The following SPOUT1 variants were observed in gnomAD, a reference collection of about 807,000 sequenced individuals.
SPOUT1 encodes SPOUT domain containing methyltransferase 1.
SPOUT1 carries 40 observed loss-of-function variants against 54.8 expected under a neutral mutation model. The observed-to-expected ratio is 0.73, with a 90% confidence interval of 0.57 to 0.95. The LOEUF (loss-of-function observed/expected upper bound fraction) is 0.95. SPOUT1 is among the 40% of genes least tolerant of loss of function. The pLI, the probability that SPOUT1 is intolerant of heterozygous loss-of-function variation, is 0.00. For synonymous variants in SPOUT1, 193 were observed against 200.3 expected, an observed-to-expected ratio of 0.96 and a Z score of 0.31; for missense variants, 437 against 499.5, an observed-to-expected ratio of 0.87 and a Z score of 1.19.
chr9:128,829,347 C>T (rs569453441), intron 1 of SPOUT1, among the ~76,000 whole-genome samples, 192 bp from the exon 2 acceptor site: 80 of 152,300 alleles, frequency 5.3e-4, no homozygotes, highest in African/African-American at 1.9e-3. Flanking sequence ...GGGACCCAGC[C>T]TGGCACACAG....
rs545231749 is a variant in SPOUT1, at chr9:128,823,240, C to T, written c.1063-407G>A. The stretch of plus-strand genomic sequence containing the variant: ...GGATGGGTAGACAGGGCTGTCGGCC[C>T]GGCGAGACTGATGGGAGTACCAGCC... On this transcript the variant is annotated intron_variant, in intron 11 of 11. Coordinates refer to ENST00000361256, the MANE Select transcript of SPOUT1 (RefSeq NM_016390.4). Among the ~76,000 whole-genome samples the T allele has an allele frequency of 2.6e-3, 390 of 152,204 alleles. 6 individuals carry two copies. Among genetic ancestry groups the T allele is most frequent in the African/African-American group, 8.4e-3 (349 of 41,504 alleles).
intron 3 of SPOUT1, 102 bp from the exon 4 acceptor site, chr9:128,827,293 A>G: frequency 8.7e-7 from 1 of 1,143,370 alleles, no homozygotes; most frequent in Non-Finnish European, 1.2e-6. Context: ...AGAATTTCCC[A>G]AGTGGGAGGA....
In SPOUT1 at chr9:128,826,358, G is replaced by A; in HGVS notation, c.508+26C>T. 6.2e-7 allele frequency: 1 copy of A among 1,608,788 alleles called. No individual in the cohort carries two copies. The highest frequency in any genetic ancestry group is 1.1e-5 in the South Asian group (1 of 90,950). Reference sequence around the variant, plus strand: ...GTCTGTGGCATGATCCAGGGGAAATGGGGGGGCGGGCCCATACAGCGTTAC... The same window carrying A: ...GTCTGTGGCATGATCCAGGGGAAATAGGGGGGCGGGCCCATACAGCGTTAC... On this transcript the variant is annotated intron_variant, in intron 6 of 11. Coordinates refer to ENST00000361256, the MANE Select transcript of SPOUT1 (RefSeq NM_016390.4). This position sits in a 1 kb window ranked among gnomAD's most constrained non-coding sequence, Gnocchi z 5.5.
rs2280845 is a variant in SPOUT1 at position 128,820,891 on chromosome 9, T to A, written c.*1874A>T. The A allele has an allele frequency of 2.6e-6, 4 of 1,538,624 alleles. No homozygotes were observed. The African/African-American group carries it at 4.1e-5, about 16-fold the overall frequency. ...GGGGCGGCAGAACCTCCCACTCACC[T>A]GAGGCCCCTACTGCCACTCACAGGG... On this transcript the variant is annotated 3_prime_UTR_variant, in exon 12 of 12. Coordinates refer to ENST00000361256, the MANE Select transcript of SPOUT1 (RefSeq NM_016390.4).
intron 7 of SPOUT1, 72 bp downstream of exon 7, chr9:128,825,950 C>T: frequency 6.3e-7 from 1 of 1,599,158 alleles, no homozygotes; most frequent in South Asian, 1.1e-5. Flanking sequence ...CTCTCCGCAA[C>T]ATCCATCTGC....
In SPOUT1 at chr9:128,820,164, C is replaced by A. The variant is rs143768965; in HGVS notation, c.*2601G>T. On this transcript the variant is annotated 3_prime_UTR_variant, in exon 12 of 12. Coordinates refer to ENST00000361256, the MANE Select transcript of SPOUT1 (RefSeq NM_016390.4). ...TTAGTGCCAGGCACTGTGCACTGGG[C>A]CAACCACCCTCTCAGCCTGTTCCCA... 1,392 of 153,412 alleles carry A rather than the reference C, an allele frequency of 9.1e-3. 15 individuals carry two copies. The highest frequency in any genetic ancestry group is 0.024 in the Middle Eastern group (7 of 294). 9.5% of individuals were successfully genotyped at this position (153,412 alleles called of 1,614,324 possible). A position where few individuals can be genotyped will look rare whatever the true frequency, so the allele number is the denominator to read the frequency against.
rs1244388756 is a variant in SPOUT1, at chr9:128,826,708, T to G, written c.369-79A>C. ...CCTGTCTACAAGTGCACGCGTATAA[T>G]CCCAGCTACTCAGGAGGCTAAGGTG... On this transcript the variant is annotated intron_variant, in intron 4 of 11. Transcript: ENST00000361256. The surrounding 1 kb of genome is among the most constrained non-coding windows in gnomAD (Gnocchi z 5.5). 1 of 1,020,852 alleles carries G rather than the reference T, an allele frequency of 9.8e-7. No homozygotes were observed. Among genetic ancestry groups the G allele is most frequent in the Non-Finnish European group, 1.4e-6 (1 of 693,878 alleles). The allele number at this position is 1,020,852 out of a possible 1,614,324, so 63.2% of individuals were successfully genotyped here. A position where few individuals can be genotyped will look rare whatever the true frequency, so the allele number is the denominator to read the frequency against.
At position 128,822,364 on chromosome 9, in the gene SPOUT1, G is replaced by C; in HGVS notation, c.*401C>G. On this transcript the variant is annotated 3_prime_UTR_variant, in exon 12 of 12. Coordinates refer to ENST00000361256, the MANE Select transcript of SPOUT1 (RefSeq NM_016390.4). ...ATGGGAAATCCTACGTAAAGTACCA[G>C]GTCATCGGCAAGAACCACGTGGCAG... The C allele has an allele frequency of 1.2e-6, 2 of 1,614,018 alleles. No individual in the cohort carries two copies. Among genetic ancestry groups the C allele is most frequent in the Non-Finnish European group, 1.7e-6 (2 of 1,180,018 alleles).
chr9:128,824,009 C>A (rs536252244), intron 10 of SPOUT1, 63 bp downstream of exon 10: 2 of 1,578,696 alleles, frequency 1.3e-6, no homozygotes, highest in Admixed American at 3.4e-5. Context: ...TGCAGCTTCA[C>A]CCACCAGGCA....
intron 9 of SPOUT1, among the ~76,000 whole-genome samples, chr9:128,824,418 G>A (rs565465109): frequency 5.9e-5 from 9 of 152,220 alleles, no homozygotes; most frequent in African/African-American, 2.2e-4. Context: ...GTCAAGGACT[G>A]AGCAGGGCAG....
In SPOUT1 at chr9:128,822,073, T is replaced by C; in HGVS notation, c.*692A>G. 1 of 553,912 alleles carries C rather than the reference T, an allele frequency of 1.8e-6. No homozygotes were observed. Among genetic ancestry groups the C allele is most frequent in the Non-Finnish European group, 3.2e-6 (1 of 308,258 alleles). The allele number at this position is 553,912 out of a possible 1,614,324, so 34.3% of individuals were successfully genotyped here. Reference sequence around the variant, plus strand: ...TGTGAATATTCAGAAGGCTCGATTCTCCTAGCAGCGTTTATTGTCGCCCAC... The same window carrying C: ...TGTGAATATTCAGAAGGCTCGATTCCCCTAGCAGCGTTTATTGTCGCCCAC... On this transcript the variant is annotated 3_prime_UTR_variant, in exon 12 of 12. Coordinates refer to ENST00000361256, the MANE Select transcript of SPOUT1 (RefSeq NM_016390.4).
Position 128,822,777 on chromosome 9 carries a change from G to C in SPOUT1, c.1119C>G (p.Ala373=). The C allele has an allele frequency of 6.3e-6, 10 of 1,581,750 alleles. No individual in the cohort carries two copies. Among genetic ancestry groups the C allele is most frequent in the African/African-American group, 1.3e-5 (1 of 74,424 alleles). ...CCCCTTAGAACTTTCAGGTGTGCCGGGCACCCGCCTGGATGAGGCCAGGCT... is the reference window on the plus strand; with the variant it reads ...CCCCTTAGAACTTTCAGGTGTGCCGCGCACCCGCCTGGATGAGGCCAGGCT... ...ALQPGLIQAG[A]RHT The change falls in exon 12 of 12, where the codon GCC becomes GCG. Residue 373 remains alanine, a synonymous_variant. Coordinates refer to ENST00000361256, the MANE Select transcript of SPOUT1 (RefSeq NM_016390.4).
intron 2 of SPOUT1, 124 bp from the exon 3 acceptor site, chr9:128,828,984 G>A (rs1184033465): frequency 1.3e-6 from 2 of 1,507,556 alleles, no homozygotes; most frequent in East Asian, 2.3e-5. Context: ...AGGGCTCCCG[G>A]CCCCTGCCTC....
At chr9:128,824,397 G>C (rs201593614) in intron 9 of SPOUT1, among the ~76,000 whole-genome samples, 1 of 152,002 alleles carries the variant, frequency 6.6e-6, no homozygotes, top group Non-Finnish European at 1.5e-5. Flanking sequence ...GGGTAGAGCT[G>C]TTCCTGGAAA....
rs1564433715 is a variant in SPOUT1, at chr9:128,821,944, G to A, written c.*821C>T. ...GGGGGAGCCCCCGTCCGGTGTCCTG[G>A]CACCTGTGCTGGTGCTGGGATATCA... On this transcript the variant is annotated 3_prime_UTR_variant, in exon 12 of 12. Coordinates refer to ENST00000361256, the MANE Select transcript of SPOUT1 (RefSeq NM_016390.4). 4.3e-6 allele frequency: 1 copy of A among 233,054 alleles called. No homozygotes were observed. The highest frequency in any genetic ancestry group is 2.3e-5 in the African/African-American group (1 of 44,034). The allele number at this position is 233,054 out of a possible 1,614,324, so 14.4% of individuals were successfully genotyped here.
rs1830239388 is a variant in SPOUT1, at chr9:128,826,299, T to C, written c.508+85A>G. ...GCTCTCCCAGGCCTGCTTTCCCACC[T>C]GGACAGCGCAGGGTAGGACTGGGTG... On this transcript the variant is annotated intron_variant, in intron 6 of 11. Transcript: ENST00000361256. This position sits in a 1 kb window ranked among gnomAD's most constrained non-coding sequence, Gnocchi z 5.5. The C allele has an allele frequency of 6.4e-7, 1 of 1,569,192 alleles. No individual in the cohort carries two copies. The highest frequency in any genetic ancestry group is 1.4e-5 in the African/African-American group (1 of 74,016).
Position 128,826,215 on chromosome 9 carries a change from C to G in SPOUT1, c.509-63G>C. On this transcript the variant is annotated intron_variant, in intron 6 of 11. Coordinates refer to ENST00000361256, the MANE Select transcript of SPOUT1 (RefSeq NM_016390.4). This position sits in a 1 kb window ranked among gnomAD's most constrained non-coding sequence, Gnocchi z 5.5. Reference sequence around the variant, plus strand: ...AGGGCACACAGGGTGCAGTGGGGACCCTGGAGCGGAGTACCGGCTCTGCCA... The same window carrying G: ...AGGGCACACAGGGTGCAGTGGGGACGCTGGAGCGGAGTACCGGCTCTGCCA... 4 of 1,569,242 alleles carry G rather than the reference C, an allele frequency of 2.5e-6. No individual in the cohort carries two copies. The highest frequency in any genetic ancestry group is 3.5e-6 in the Non-Finnish European group (4 of 1,155,298).
chr9:128,824,523 T>C (rs1221725237), intron 9 of SPOUT1, among the ~76,000 whole-genome samples: 2 of 152,116 alleles, frequency 1.3e-5, no homozygotes, highest in Non-Finnish European at 2.9e-5. Flanking sequence ...TCTGGCCCTT[T>C]TGCCTCCATT....
chr9:128,827,239 C>G, intron 3 of SPOUT1, 48 bp from the exon 4 acceptor site: 1 of 1,544,112 alleles, frequency 6.5e-7, no homozygotes. Context: ...GCAAGGGCCC[C>G]CTACCTTTCT....
Sources: gnomAD v4.1 joint callset for allele counts (sites outside exome capture counted in the v4.1 genomes callset) on GRCh38, gnomAD v4.1.1 for gene constraint, Gnocchi (gnomAD v3.1) non-coding constraint, MANE v1.5 for transcripts, NCBI Gene and HGNC (gene_info 2026-07-23, HGNC 2026-07-21) for gene names.